CELSR1: variants seen among roughly 807,000 people sequenced by gnomAD.
CELSR1 encodes cadherin EGF LAG seven-pass G-type receptor 1.
In CELSR1, 110 loss-of-function variants were observed where a neutral mutation model predicts 249.1. The ratio of observed to expected loss-of-function variants is 0.44; its 90% CI spans 0.38 to 0.52. The LOEUF is 0.52. Among genes scored for constraint, CELSR1 ranks in the 20% least tolerant of loss-of-function variants. The pLI is 0.00. For synonymous variants in CELSR1, 2,113 were observed against 1,900.0 expected (o/e 1.11, Z -2.92); for missense variants, 4,109 against 4,296.4 (o/e 0.96, Z 1.22).
intron 1 of CELSR1, among the ~76,000 whole-genome samples, chr22:46,510,511 G>T (rs1748407411): frequency 6.6e-6 from 1 of 152,210 alleles, no homozygotes; most frequent in South Asian, 2.1e-4. Flanking sequence ...CTCAGGGAGG[G>T]CCCATCGCCA....
intron 2 of CELSR1, among the ~76,000 whole-genome samples, chr22:46,443,101 AG>A (rs1360699601): frequency 8.6e-5 from 13 of 150,596 alleles, no homozygotes; most frequent in Admixed American, 7.9e-4. Context: ...CCGTCTCTTA[AG>A]AAAAAAAAAA....
chr22:46,536,122 C>G lies in CELSR1; in HGVS notation c.1049G>C (p.Ser350Thr). Residue 350 changes from serine to threonine, a missense_variant, in exon 1 of 35, where the codon AGC becomes ACC. Physicochemically the swap from Ser to Thr is moderately conservative, Grantham distance 58 (BLOSUM62 1). This residue lies in a region of CELSR1 where 673 missense variants were observed against 636.8 expected (regional missense o/e 1.06). Coordinates refer to ENST00000674500, the MANE Select transcript of CELSR1 (RefSeq NM_001378328.1). ...TVLVKDTNDH[S>T]PVFEQSEYRE... ...GTACTCCGACTGCTCGAAGACCGGG[C>G]TGTGGTCGTTGGTGTCTTTGACCAA... 6.2e-7 allele frequency: 1 copy of G among 1,612,742 alleles called. No homozygotes were observed. Among genetic ancestry groups the G allele is most frequent in the Non-Finnish European group, 8.5e-7 (1 of 1,180,016 alleles).
intron 5 of CELSR1, among the ~76,000 whole-genome samples, chr22:46,425,137 G>T (rs764086424): frequency 2.0e-5 from 3 of 152,234 alleles, no homozygotes; most frequent in Non-Finnish European, 4.4e-5. Flanking sequence ...CATTCACCCA[G>T]TGACGGCCAT....
In CELSR1 at chr22:46,464,906, C is replaced by G. The variant is rs986869469; in HGVS notation, c.3545-561G>C. ...GCGACATCCCCACCGACGTGCTGTG[C>G]TGAGGGTCCCACTTAGCTCGGCTGT... On this transcript the variant is annotated intron_variant, in intron 1 of 34. Transcript: ENST00000674500. The surrounding 1 kb of genome is among the most constrained non-coding windows in gnomAD (Gnocchi z 8.5). 2.0e-5 allele frequency among the ~76,000 whole-genome samples: 3 copies of G among 152,178 alleles called. No homozygotes were observed. The highest frequency in any genetic ancestry group is 7.2e-5 in the African/African-American group (3 of 41,448).
chr22:46,400,532 C>T (rs2079199929), intron 9 of CELSR1, among the ~76,000 whole-genome samples: 1 of 151,946 alleles, frequency 6.6e-6, no homozygotes, highest in South Asian at 2.1e-4. Context: ...GGCTACTCCG[C>T]AGGCTAAGGC....
chr22:46,376,429 C>A (rs929150737), intron 24 of CELSR1, among the ~76,000 whole-genome samples: 1 of 152,200 alleles, frequency 6.6e-6, no homozygotes, highest in Non-Finnish European at 1.5e-5. Context: ...GGCTGGAGTG[C>A]AGTGGCTCCA....
At position 46,464,237 on chromosome 22, in the gene CELSR1, T is replaced by C; in HGVS notation, c.3653A>G (p.Lys1218Arg). Residue 1218 changes from lysine to arginine, a missense_variant, in exon 2 of 35, where the codon AAG (lysine) becomes AGG (arginine). By Grantham distance (26) the Lys-to-Arg change is conservative. Around this residue, in one of 7 missense-constraint regions of CELSR1, gnomAD observed 886 missense variants for 896.5 expected, o/e 0.99. Coordinates refer to ENST00000674500, the MANE Select transcript of CELSR1 (RefSeq NM_001378328.1). This position sits in a 1 kb window ranked among gnomAD's most constrained non-coding sequence, Gnocchi z 8.5. ...GAGGGCCAGCAGCGGGGACAGGAACTTCTCCTGGGACATGTTCTCCAGGCG... is the reference window on the plus strand; with the variant it reads ...GAGGGCCAGCAGCGGGGACAGGAACCTCTCCTGGGACATGTTCTCCAGGCG... ...TVRLENMSQEKFLSPLLALFV... is the reference protein window; with the variant it reads ...TVRLENMSQERFLSPLLALFV... 5.0e-6 allele frequency: 8 copies of C among 1,613,742 alleles called. No individual in the cohort carries two copies. The highest frequency in any genetic ancestry group is 6.8e-6 in the Non-Finnish European group (8 of 1,180,012).
intron 1 of CELSR1, among the ~76,000 whole-genome samples, chr22:46,524,652 A>G (rs1437950619): frequency 1.3e-5 from 2 of 151,792 alleles, no homozygotes; most frequent in Admixed American, 6.6e-5. Context: ...TAGAGGGATG[A>G]CCCCACTAAA....
intron 1 of CELSR1, among the ~76,000 whole-genome samples, chr22:46,487,999 G>A (rs1194678974): frequency 1.5e-5 from 2 of 136,810 alleles, no homozygotes; most frequent in Non-Finnish European, 3.2e-5. Flanking sequence ...TAGGGGAGGG[G>A]TGTCCAGCTA....
Position 46,382,158 on chromosome 22 carries a change from A to G in CELSR1, c.6884-108T>C. On this transcript the variant is annotated intron_variant, in intron 20 of 34. Transcript: ENST00000674500. Reference sequence around the variant, plus strand: ...CAAAAACCAACAGATGTCCCACAGAAAACAGTACCGTGGGTCCCCAAAAAA... The same window carrying G: ...CAAAAACCAACAGATGTCCCACAGAGAACAGTACCGTGGGTCCCCAAAAAA... 6 of 1,073,092 alleles carry G rather than the reference A, an allele frequency of 5.6e-6. No homozygotes were observed. In the East Asian group the frequency reaches 7.9e-5, roughly 14 times the overall value. 66.5% of individuals were successfully genotyped at this position (1,073,092 alleles called of 1,614,324 possible).
At chr22:46,485,159 T>A (rs1158222540) in intron 1 of CELSR1, among the ~76,000 whole-genome samples, 1 of 152,156 alleles carries the variant, frequency 6.6e-6, no homozygotes, top group Non-Finnish European at 1.5e-5. Context: ...TGCTTTTGTC[T>A]TGATTGCAGC....
intron 5 of CELSR1, among the ~76,000 whole-genome samples, chr22:46,418,824 G>A (rs1003795326): frequency 6.6e-6 from 1 of 152,220 alleles, no homozygotes; most frequent in Non-Finnish European, 1.5e-5. Context: ...TTATTTCTCA[G>A]GCAAGGGGGT....
At chr22:46,422,640 G>T (rs1044897655) in intron 5 of CELSR1, among the ~76,000 whole-genome samples, 31 of 151,376 alleles carry the variant, frequency 2.0e-4, no homozygotes, top group African/African-American at 7.5e-4. Context: ...GGTGGTGGGC[G>T]CCTGTAGTCC....
chr22:46,491,354 C>T (rs951993608), intron 1 of CELSR1, among the ~76,000 whole-genome samples: 2 of 150,642 alleles, frequency 1.3e-5, no homozygotes, highest in Non-Finnish European at 2.9e-5. Flanking sequence ...AGCTCTGCCT[C>T]CCAGGTTCAA....
intron 1 of CELSR1, among the ~76,000 whole-genome samples, chr22:46,479,458 G>C (rs2080244277): frequency 2.6e-5 from 4 of 152,088 alleles, no homozygotes; most frequent in African/African-American, 7.2e-5. Flanking sequence ...CTCGTCTTTG[G>C]GAAAAAGCTA....
At chr22:46,455,026 G>A (rs907991094) in intron 2 of CELSR1, among the ~76,000 whole-genome samples, 9 of 152,210 alleles carry the variant, frequency 5.9e-5, no homozygotes, top group Non-Finnish European at 1.2e-4. Context: ...AACCTGGACA[G>A]AGACAGACGT....
Position 46,406,220 on chromosome 22 carries a change from C to T in CELSR1, c.5226+2776G>A, listed in dbSNP as rs1359037843. ...TTGTTCTGACAGTGAAACCACCACACAGAAAATACCATCCCCAGGCAGCAC... is the reference window on the plus strand; with the variant it reads ...TTGTTCTGACAGTGAAACCACCACATAGAAAATACCATCCCCAGGCAGCAC... On this transcript the variant is annotated intron_variant, in intron 9 of 34. Transcript: ENST00000674500. The surrounding 1 kb of genome is among the most constrained non-coding windows in gnomAD (Gnocchi z 5.4). Among the ~76,000 whole-genome samples the T allele has an allele frequency of 6.6e-6, 1 of 152,240 alleles. No homozygotes were observed. Among genetic ancestry groups the T allele is most frequent in the Non-Finnish European group, 1.5e-5 (1 of 68,042 alleles).
In CELSR1 at chr22:46,534,481, T is replaced by G; in HGVS notation, c.2690A>C (p.Tyr897Ser). The change falls in exon 1 of 35, where the codon TAC becomes TCC. Residue 897 changes from tyrosine (Y) to serine (S), a missense_variant. Around this residue, in one of 7 missense-constraint regions of CELSR1, gnomAD observed 886 missense variants for 896.5 expected, o/e 0.99. Coordinates refer to ENST00000674500, the MANE Select transcript of CELSR1 (RefSeq NM_001378328.1). The surrounding 1 kb of genome is among the most constrained non-coding windows in gnomAD (Gnocchi z 9.7). Reference protein sequence around the residue: ...DNAPQFLWDFYQGSIFEDAPP... With the variant: ...DNAPQFLWDFSQGSIFEDAPP... ...AGCATCCTCAAAGATGGAACCCTGGTAGAAATCCCACAGGAACTGGGGTGC... is the reference window on the plus strand; with the variant it reads ...AGCATCCTCAAAGATGGAACCCTGGGAGAAATCCCACAGGAACTGGGGTGC... The G allele has an allele frequency of 6.2e-7, 1 of 1,613,206 alleles. No homozygotes were observed. The highest frequency in any genetic ancestry group is 2.2e-5 in the East Asian group (1 of 44,882).
At chr22:46,420,831 C>T (rs761905241) in intron 5 of CELSR1, among the ~76,000 whole-genome samples, 14 of 152,126 alleles carry the variant, frequency 9.2e-5, no homozygotes, top group Non-Finnish European at 1.6e-4. Context: ...GGGTGACATG[C>T]TCAGTATCTG....
Sources: allele counts gnomAD v4.1 joint callset (sites outside exome capture counted in the v4.1 genomes callset), GRCh38; gene constraint gnomAD v4.1.1; regional missense constraint gnomAD v4.1.1; non-coding constraint Gnocchi (gnomAD v3.1); transcripts MANE v1.5; gene names NCBI Gene and HGNC (gene_info 2026-07-23, HGNC 2026-07-21).